Variants in MICU1 observed in about 807,000 individuals in gnomAD.
MICU1 encodes calcium uptake protein 1, mitochondrial.
In MICU1, 45 loss-of-function variants were observed where a neutral mutation model predicts 56.8. The observed-to-expected ratio is 0.79, with a 90% CI of 0.62 to 1.02. The LOEUF (loss-of-function observed/expected upper bound fraction) is 1.02. MICU1 is among the 50% of genes least tolerant of loss of function. The probability of loss-of-function intolerance (pLI) is 0.00; values close to 1 mark genes in which losing one functional copy is unlikely to be tolerated. For synonymous variants in MICU1, 186 were observed against 195.1 expected, an observed-to-expected ratio of 0.95 and a Z score of 0.39; for missense variants, 504 against 587.1, an observed-to-expected ratio of 0.86 and a Z score of 1.46.
At chr10:72,370,816 AG>A (rs1405790629) in intron 11 of MICU1, among the ~76,000 whole-genome samples, 2 of 150,386 alleles carry the variant, frequency 1.3e-5, no homozygotes, top group Non-Finnish European at 3.0e-5. Flanking sequence ...AGATTGCTTA[AG>A]GCCCGGAGTT....
intron 5 of MICU1, among the ~76,000 whole-genome samples, chr10:72,530,956 G>A (rs1191798553): frequency 6.6e-6 from 1 of 152,046 alleles, no homozygotes; most frequent in Non-Finnish European, 1.5e-5. Flanking sequence ...CATTATTCAG[G>A]TAGAAATTTA....
intron 8 of MICU1, among the ~76,000 whole-genome samples, chr10:72,454,033 G>A (rs1199084529): frequency 2.0e-5 from 3 of 151,316 alleles, no homozygotes; most frequent in South Asian, 2.1e-4. Flanking sequence ...ATGGGATTTC[G>A]CCATGTTGGC....
intron 6 of MICU1, among the ~76,000 whole-genome samples, chr10:72,478,750 G>C (rs1443100826): frequency 6.6e-6 from 1 of 152,186 alleles, no homozygotes; most frequent in East Asian, 1.9e-4. Flanking sequence ...TGAATCATGT[G>C]TGTGTCAGCT....
At chr10:72,539,005 A>G (rs560331003) in intron 4 of MICU1, among the ~76,000 whole-genome samples, 52 of 152,282 alleles carry the variant, frequency 3.4e-4, no homozygotes, top group African/African-American at 1.2e-3. Flanking sequence ...AGAAGGTATT[A>G]TTTAGTAATA....
chr10:72,535,101 C>T (rs1241860817), intron 4 of MICU1, among the ~76,000 whole-genome samples: 2 of 149,518 alleles, frequency 1.3e-5, no homozygotes, highest in Admixed American at 6.7e-5. Context: ...ATGATCTTGG[C>T]TCACTGCAAC....
intron 8 of MICU1, among the ~76,000 whole-genome samples, chr10:72,437,372 A>C (rs1267156220): frequency 1.3e-5 from 2 of 152,194 alleles, no homozygotes; most frequent in African/African-American, 4.8e-5. Flanking sequence ...ACCAGGCCTG[A>C]CTTACAGGAG....
intron 5 of MICU1, among the ~76,000 whole-genome samples, chr10:72,521,957 T>C (rs1266804557): frequency 6.6e-6 from 1 of 152,134 alleles, no homozygotes; most frequent in Non-Finnish European, 1.5e-5. Flanking sequence ...ATGTTCTTTA[T>C]AATTTTTAAT....
At chr10:72,573,382 T>C (rs904175919) in intron 1 of MICU1, among the ~76,000 whole-genome samples, 19 of 76,868 alleles carry the variant, frequency 2.5e-4, no homozygotes, top group Admixed American at 1.2e-3. Context: ...ACCTTTCATA[T>C]AAAAAAGGAG....
At chr10:72,515,651 C>T (rs1026948298) in intron 5 of MICU1, among the ~76,000 whole-genome samples, 6 of 152,130 alleles carry the variant, frequency 3.9e-5, no homozygotes, top group African/African-American at 1.4e-4. Flanking sequence ...TTAGAATACA[C>T]AAAAAGTAGT....
chr10:72,436,170 C>T (rs1337935096), intron 8 of MICU1, among the ~76,000 whole-genome samples: 1 of 152,166 alleles, frequency 6.6e-6, no homozygotes, highest in Non-Finnish European at 1.5e-5. Context: ...GGCGGCTGCC[C>T]CTCTGGAACG....
chr10:72,535,005 TTTTTA>T (rs756572144), intron 4 of MICU1, among the ~76,000 whole-genome samples: 1,243 of 116,430 alleles, frequency 0.011, 50 homozygotes, highest in Non-Finnish European at 0.015. Context: ...CTCCCTCTAT[TTTTTA>T]TTTTATTTTA....
chr10:72,499,116 C>A (rs893179802), intron 6 of MICU1, among the ~76,000 whole-genome samples: 1 of 152,160 alleles, frequency 6.6e-6, no homozygotes, highest in African/African-American at 2.4e-5. Flanking sequence ...AAATCGCCCT[C>A]AAGATACAGT....
chr10:72,376,010 G>A, intron 10 of MICU1, 138 bp from the exon 11 acceptor site: 1 of 840,908 alleles, frequency 1.2e-6, no homozygotes, highest in Non-Finnish European at 1.9e-6. Flanking sequence ...GATAAGTTAG[G>A]CTGGCCACAG....
rs917358276 is a variant in MICU1 at position 72,549,808 on chromosome 10, G to T, written c.493+1371C>A. 3.3e-5 allele frequency among the ~76,000 whole-genome samples: 5 copies of T among 151,744 alleles called. No homozygotes were observed. The East Asian group carries it at 9.7e-4, about 29-fold the overall frequency. On this transcript the variant is annotated intron_variant, in intron 4 of 11. Coordinates refer to ENST00000361114, the MANE Select transcript of MICU1 (RefSeq NM_001195518.2). ...TAGCTGGGCATGGTGGCACATGCCT[G>T]TAATGCCAGCTACTCAGGAGGCAAG...
intron 8 of MICU1, among the ~76,000 whole-genome samples, chr10:72,440,956 T>C (rs1864902344): frequency 1.3e-5 from 2 of 152,218 alleles, no homozygotes; most frequent in Admixed American, 6.5e-5. Flanking sequence ...TTGGTGGGAT[T>C]GTAAATTAGT....
At chr10:72,550,408 C>G (rs570951571) in intron 4 of MICU1, among the ~76,000 whole-genome samples, 8 of 152,256 alleles carry the variant, frequency 5.3e-5, no homozygotes, top group African/African-American at 1.9e-4. Context: ...GATGTTTGCA[C>G]AATAATGAAA....
intron 4 of MICU1, among the ~76,000 whole-genome samples, chr10:72,545,923 C>T (rs560476072): frequency 7.9e-5 from 12 of 152,188 alleles, no homozygotes; most frequent in Non-Finnish European, 1.5e-4. Context: ...CTTCTTGCTA[C>T]AAACAGTCTG....
At chr10:72,440,241 C>T (rs943427153) in intron 8 of MICU1, among the ~76,000 whole-genome samples, 4 of 152,072 alleles carry the variant, frequency 2.6e-5, no homozygotes, top group African/African-American at 9.7e-5. Flanking sequence ...TCAGAAATAA[C>T]ACCATACATC....
chr10:72,529,935 AG>A (rs1178966530), intron 5 of MICU1, among the ~76,000 whole-genome samples: 12 of 144,192 alleles, frequency 8.3e-5, no homozygotes, highest in African/African-American at 2.8e-4. Flanking sequence ...CATGGATACT[AG>A]GGGAAGGTGC....
Sources: gnomAD v4.1 joint callset for allele counts (sites outside exome capture counted in the v4.1 genomes callset) on GRCh38, gnomAD v4.1.1 for gene constraint, MANE v1.5 for transcripts, NCBI Gene and HGNC (gene_info 2026-07-23, HGNC 2026-07-21) for gene names.